The following PIBF1 variants were observed in gnomAD, a reference collection of about 807,000 sequenced individuals.
PIBF1 encodes progesterone-induced-blocking factor 1.
In PIBF1, 90 loss-of-function variants were observed where a neutral mutation model predicts 112.5. The ratio of observed to expected loss-of-function variants is 0.80; its 90% CI spans 0.67 to 0.95. The LOEUF (loss-of-function observed/expected upper bound fraction) is 0.95. Among genes scored for constraint, PIBF1 ranks in the 40% least tolerant of loss-of-function variants. The pLI is 0.00. For missense variants in PIBF1, 915 were observed against 852.3 expected (o/e 1.07, Z -0.92); for synonymous variants, 301 against 288.6 (o/e 1.04, Z -0.44).
chr13:73,001,712 C>G (rs769290547), intron 17 of PIBF1, among the ~76,000 whole-genome samples: 2 of 148,862 alleles, frequency 1.3e-5, no homozygotes, highest in African/African-American at 4.9e-5. Context: ...CAACCTCTGC[C>G]TCCCAGGTTC....
intron 16 of PIBF1, among the ~76,000 whole-genome samples, chr13:72,993,350 A>G (rs1188113587): frequency 6.6e-6 from 1 of 151,434 alleles, no homozygotes; most frequent in African/African-American, 2.4e-5. Context: ...AAATAAAAAT[A>G]AATTGTGATA....
chr13:72,861,981 G>C (rs771203296), intron 10 of PIBF1, among the ~76,000 whole-genome samples: 1 of 152,188 alleles, frequency 6.6e-6, no homozygotes, highest in Non-Finnish European at 1.5e-5. Context: ...TTTGAGGCTG[G>C]AGGTTTCTAG....
intron 10 of PIBF1, among the ~76,000 whole-genome samples, chr13:72,890,512 C>T (rs915654391): frequency 5.3e-5 from 8 of 152,088 alleles, no homozygotes; most frequent in Non-Finnish European, 8.8e-5. Context: ...ACTAAAAACC[C>T]GGTTACAAAT....
intron 14 of PIBF1, among the ~76,000 whole-genome samples, chr13:72,957,025 C>G (rs1308326876): frequency 6.6e-6 from 1 of 152,076 alleles, no homozygotes; most frequent in Non-Finnish European, 1.5e-5. Flanking sequence ...TAGATATTGG[C>G]ATGGATGTGG....
At position 72,998,813 on chromosome 13, in the gene PIBF1, TATCAACAGGAA is replaced by T; in HGVS notation, c.2050-8_2052del. The T allele has an allele frequency of 1.9e-6, 3 of 1,603,820 alleles. No individual in the cohort carries two copies. The highest frequency in any genetic ancestry group is 2.6e-6 in the Non-Finnish European group (3 of 1,173,476). ...CTTGCTACTTTCTTCTGTTTTCATA[TATCAACAGGAA>T]TTGGCAGCAATGAAACAGATTCTCG... is the stretch of plus-strand genomic sequence containing the variant. On this transcript the variant is annotated splice_acceptor_variant and splice_polypyrimidine_tract_variant and coding_sequence_variant and intron_variant, in exon 17 of 18. Transcript: ENST00000326291. LOFTEE classifies it high-confidence loss of function.
intron 17 of PIBF1, among the ~76,000 whole-genome samples, chr13:73,014,604 A>G (rs2044327466): frequency 6.6e-6 from 1 of 152,184 alleles, no homozygotes; most frequent in African/African-American, 2.4e-5. Flanking sequence ...ATCAGTGGTA[A>G]CAAATGTACC....
chr13:73,003,256 A>T (rs1054526289), intron 17 of PIBF1, among the ~76,000 whole-genome samples: 10 of 145,404 alleles, frequency 6.9e-5, no homozygotes, highest in South Asian at 2.2e-4. Context: ...AGAAAAAAAA[A>T]TTTTTTTTTT....
At position 72,827,835 on chromosome 13, in the gene PIBF1, C is replaced by T. The variant is rs763261608; in HGVS notation, c.1018C>T (p.Arg340Cys). Residue 340 changes from arginine to cysteine, a missense_variant, in exon 8 of 18, where the codon CGC becomes TGC. Transcript: ENST00000326291. Reference protein sequence around the residue: ...LSVRCAHEEDRLERLQAQLEE... With the variant: ...LSVRCAHEEDCLERLQAQLEE... ...TGTTCGCTGTGCTCATGAAGAGGAT[C>T]GCCTTGAAAGACTTCAAGCTCAACT... 8.7e-6 allele frequency: 14 copies of T among 1,600,922 alleles called. No individual in the cohort carries two copies. The highest frequency in any genetic ancestry group is 2.3e-5 in the South Asian group (2 of 87,940).
At chr13:72,831,650 T>C (rs1418728497) in intron 8 of PIBF1, among the ~76,000 whole-genome samples, 1 of 152,198 alleles carries the variant, frequency 6.6e-6, no homozygotes, top group Non-Finnish European at 1.5e-5. Context: ...TGATTTCTGT[T>C]CTTTTGCATT....
chr13:72,783,377 T>C (rs1593866712), intron 1 of PIBF1, 46 bp from the exon 2 acceptor site: 1 of 848,148 alleles, frequency 1.2e-6, no homozygotes, highest in East Asian at 2.6e-5. Flanking sequence ...ATGATTTCTG[T>C]AGTTAATTTT....
rs1198868802 is a variant in PIBF1 at position 72,782,191 on chromosome 13, G to A, written c.-206G>A. 2.1e-5 allele frequency: 5 copies of A among 236,996 alleles called. No individual in the cohort carries two copies. Among genetic ancestry groups the A allele is most frequent in the Non-Finnish European group, 4.1e-5 (5 of 121,664 alleles). The allele number at this position is 236,996 out of a possible 1,614,324, so 14.7% of individuals were successfully genotyped here. On this transcript the variant is annotated 5_prime_UTR_variant, in exon 1 of 18. Coordinates refer to ENST00000326291, the MANE Select transcript of PIBF1 (RefSeq NM_006346.4). ...GTTCTGTCCTCCTTGCGGGTGCGGA[G>A]ATGGTTGTCTTGGTTACGGGTCCTA...
chr13:72,853,717 CCCAAACCTCA>C (rs1318593698), intron 9 of PIBF1, among the ~76,000 whole-genome samples: 1 of 152,136 alleles, frequency 6.6e-6, no homozygotes, highest in Non-Finnish European at 1.5e-5. Context: ...TATTAACCTC[CCCAAACCTCA>C]GTTTTCTAGT....
At chr13:72,876,644 T>A (rs1335558803) in intron 10 of PIBF1, among the ~76,000 whole-genome samples, 4 of 152,190 alleles carry the variant, frequency 2.6e-5, no homozygotes, top group African/African-American at 7.2e-5. Context: ...GTACATATTA[T>A]TTTAGACTTA....
At chr13:72,834,433 T>C (rs1381295481) in intron 8 of PIBF1, among the ~76,000 whole-genome samples, 2 of 152,112 alleles carry the variant, frequency 1.3e-5, no homozygotes, top group East Asian at 3.9e-4. Flanking sequence ...GAGACCAGCC[T>C]GGGCAACATC....
intron 10 of PIBF1, among the ~76,000 whole-genome samples, chr13:72,888,997 C>G (rs530968308): frequency 6.6e-6 from 1 of 151,470 alleles, no homozygotes; most frequent in Non-Finnish European, 1.5e-5. Context: ...CCCAGGATTT[C>G]GACACCAGCC....
intron 6 of PIBF1, among the ~76,000 whole-genome samples, chr13:72,823,432 CTT>C (rs998538517): frequency 3.3e-5 from 5 of 152,038 alleles, no homozygotes; most frequent in Non-Finnish European, 7.4e-5. Context: ...TGATAAGCAT[CTT>C]TATGGTAGAA....
In PIBF1 at chr13:72,883,730, C is replaced by T. The variant is rs149715020; in HGVS notation, c.1323-10054C>T. On this transcript the variant is annotated intron_variant, in intron 10 of 17. Coordinates refer to ENST00000326291, the MANE Select transcript of PIBF1 (RefSeq NM_006346.4). ...CTCAAACTCCTGACCTCAAATAATC[C>T]GCCCACCTCAGCCTCCCAAACTTCT... 5.2e-3 allele frequency among the ~76,000 whole-genome samples: 787 copies of T among 152,280 alleles called. 2 individuals are homozygous for T. Among genetic ancestry groups the T allele is most frequent in the African/African-American group, 0.016 (671 of 41,548 alleles).
Position 72,792,557 on chromosome 13 carries a change from G to GT in PIBF1, c.353+18dup, listed in dbSNP as rs199664383. On this transcript the variant is annotated intron_variant, in intron 3 of 17. Coordinates refer to ENST00000326291, the MANE Select transcript of PIBF1 (RefSeq NM_006346.4). ...AACAGAAAGATGCCAGGTAAGAAAA[G>GT]TTTTTTTTAAAAAAAAAACAACATC... The GT allele has an allele frequency of 1.2e-3, 1,523 of 1,229,918 alleles. No homozygotes were observed. The highest frequency in any genetic ancestry group is 1.8e-3 in the South Asian group (121 of 66,162). 76.2% of individuals were successfully genotyped at this position (1,229,918 alleles called of 1,614,324 possible). A position where few individuals can be genotyped will look rare whatever the true frequency, so the allele number is the denominator to read the frequency against.
intron 13 of PIBF1, 28 bp downstream of exon 13, chr13:72,917,194 T>C: frequency 1.5e-6 from 2 of 1,324,674 alleles, no homozygotes; most frequent in Non-Finnish European, 1.0e-6. Context: ...TTATTTTATT[T>C]ATCTACTCAA....
Sources: allele counts gnomAD v4.1 joint callset (sites outside exome capture counted in the v4.1 genomes callset), GRCh38; gene constraint gnomAD v4.1.1; transcripts MANE v1.5; gene names NCBI Gene and HGNC (gene_info 2026-07-23, HGNC 2026-07-21).